The following ZNF839 variants were observed in gnomAD, a reference collection of about 807,000 sequenced individuals.
The protein encoded by ZNF839 is renal carcinoma antigen NY-REN-50.
Under a neutral mutation model 56.4 loss-of-function variants are expected in ZNF839, and 38 were observed. That is an observed-to-expected ratio of 0.67 (90% CI 0.52 to 0.88). The LOEUF is 0.88. Among genes scored for constraint, ZNF839 ranks in the 40% least tolerant of loss-of-function variants. ZNF839 has a pLI of 0.00. For synonymous variants in ZNF839, 486 were observed against 493.5 expected (o/e 0.98, Z 0.20); for missense variants, 1,091 against 1,177.6 (o/e 0.93, Z 1.08).
intron 2 of ZNF839, among the ~76,000 whole-genome samples, chr14:102,327,098 C>T (rs2073456453): frequency 6.6e-6 from 1 of 151,888 alleles, no homozygotes; most frequent in Non-Finnish European, 1.5e-5. Context: ...GCAGGCGCCT[C>T]ATATGGCCAC....
At chr14:102,334,447 A>G in intron 3 of ZNF839, 107 bp from the exon 4 acceptor site, 1 of 756,668 alleles carries the variant, frequency 1.3e-6, no homozygotes, top group Non-Finnish European at 2.3e-6. Context: ...GGTCACTGAA[A>G]TTTTTGGAGA....
rs532859328 is a variant in ZNF839 at position 102,341,953 on chromosome 14, T to C, written c.2558T>C (p.Val853Ala). 5.2e-5 allele frequency: 84 copies of C among 1,613,870 alleles called. 1 individual carries two copies. The highest frequency in any genetic ancestry group is 6.2e-5 in the Non-Finnish European group (73 of 1,179,888). ...DLNRFPCGME[V>A]HSGQRELESV... is the part of the protein sequence containing the mutation. Reference sequence around the variant, plus strand: ...AACCGGTTCCCCTGTGGGATGGAGGTGCACTCTGGCCAGAGAGAACTGGAG... The same window carrying C: ...AACCGGTTCCCCTGTGGGATGGAGGCGCACTCTGGCCAGAGAGAACTGGAG... Residue 853 changes from valine (V) to alanine (A), a missense_variant, in exon 8 of 8, where the codon GTG (valine) becomes GCG (alanine). By Grantham distance (64) the Val-to-Ala change is moderately conservative. Around this residue, in one of 3 missense-constraint regions of ZNF839, gnomAD observed 431 missense variants for 468.0 expected, o/e 0.92. Transcript: ENST00000442396.
intron 5 of ZNF839, 33 bp downstream of exon 5, chr14:102,335,871 T>C (rs748522690): frequency 3.1e-6 from 5 of 1,604,748 alleles, no homozygotes; most frequent in Non-Finnish European, 4.2e-6. Context: ...AGAGTTTTGC[T>C]CATAGAGTTA....
Position 102,319,822 on chromosome 14 carries a change from C to T in ZNF839, c.57C>T (p.Gly19=). The change falls in exon 1 of 8, where the codon GGC becomes GGT. Residue 19 remains glycine (G), a synonymous_variant. Coordinates refer to ENST00000442396, the MANE Select transcript of ZNF839 (RefSeq NM_018335.6). The surrounding 1 kb of genome is among the most constrained non-coding windows in gnomAD (Gnocchi z 4.5). ...GGGSEDGGGG[G]GPAPPGQSGS... is the part of the protein sequence containing the mutation. ...GCAGCGAGGATGGCGGCGGCGGCGG[C>T]GGCCCGGCTCCTCCGGGCCAGAGCG... 1.6e-6 allele frequency: 2 copies of T among 1,229,590 alleles called. No individual in the cohort carries two copies. Among genetic ancestry groups the T allele is most frequent in the Non-Finnish European group, 2.0e-6 (2 of 986,950 alleles). 76.2% of individuals were successfully genotyped at this position (1,229,590 alleles called of 1,614,324 possible).
At chr14:102,319,606 C>T (rs1000513947), upstream of ZNF839, 13 of 1,066,248 alleles carry the variant, frequency 1.2e-5, no homozygotes, top group African/African-American at 2.1e-4. This position sits in a 1 kb window ranked among gnomAD's most constrained non-coding sequence, Gnocchi z 4.5. Context: ...CGGCGGTTGT[C>T]GGCTGGGGCG....
chr14:102,341,793 C>T lies in ZNF839; in HGVS notation c.2398C>T (p.Leu800Phe). The T allele has an allele frequency of 6.2e-7, 1 of 1,614,040 alleles. No homozygotes were observed. The highest frequency in any genetic ancestry group is 8.5e-7 in the Non-Finnish European group (1 of 1,179,888). Reference protein sequence around the residue: ...VLPTEVAAPPLEKILSVDSVA... With the variant: ...VLPTEVAAPPFEKILSVDSVA... Reference sequence around the variant, plus strand: ...GCCTACAGAGGTGGCAGCCCCTCCGCTTGAGAAAATTTTGTCTGTGGATAG... The same window carrying T: ...GCCTACAGAGGTGGCAGCCCCTCCGTTTGAGAAAATTTTGTCTGTGGATAG... Residue 800 changes from leucine (L) to phenylalanine (F), a missense_variant, in exon 8 of 8, where the codon CTT becomes TTT. This residue lies in a region of ZNF839 where 431 missense variants were observed against 468.0 expected (regional missense o/e 0.92). Coordinates refer to ENST00000442396, the MANE Select transcript of ZNF839 (RefSeq NM_018335.6).
At chr14:102,330,446 C>T (rs1256361308) in intron 2 of ZNF839, among the ~76,000 whole-genome samples, 1 of 151,298 alleles carries the variant, frequency 6.6e-6, no homozygotes, top group African/African-American at 2.4e-5. Context: ...GTTGGCCAGG[C>T]TAGTCTCAAA....
intron 5 of ZNF839, among the ~76,000 whole-genome samples, chr14:102,337,983 AG>A (rs1311465844): frequency 6.6e-6 from 1 of 152,202 alleles, no homozygotes; most frequent in Non-Finnish European, 1.5e-5. Flanking sequence ...GAGATGGACA[AG>A]GGAGACTCAG....
Position 102,341,590 on chromosome 14 carries a change from C to T in ZNF839, c.2195C>T (p.Ser732Phe). 6.2e-7 allele frequency: 1 copy of T among 1,613,768 alleles called. No homozygotes were observed. Among genetic ancestry groups the T allele is most frequent in the South Asian group, 1.1e-5 (1 of 91,060 alleles). Residue 732 changes from serine to phenylalanine, a missense_variant, in exon 8 of 8, where the codon TCT becomes TTT. Ser to Phe is a radical substitution (Grantham distance 155, BLOSUM62 -2). Around this residue, in one of 3 missense-constraint regions of ZNF839, gnomAD observed 431 missense variants for 468.0 expected, o/e 0.92. Transcript: ENST00000442396. ...AFPGENALEHSSDQDTWDSLR... is the reference protein window; with the variant it reads ...AFPGENALEHFSDQDTWDSLR... ...CCTGGAGAGAATGCTTTGGAACACTCTTCAGACCAGGACACCTGGGACAGC... is the reference window on the plus strand; with the variant it reads ...CCTGGAGAGAATGCTTTGGAACACTTTTCAGACCAGGACACCTGGGACAGC...
intron 5 of ZNF839, among the ~76,000 whole-genome samples, chr14:102,336,207 C>T (rs1408754262): frequency 6.7e-6 from 1 of 150,222 alleles, no homozygotes; most frequent in African/African-American, 2.4e-5. Flanking sequence ...AAAAAAAAAA[C>T]TCCATGTATG....
intron 5 of ZNF839, among the ~76,000 whole-genome samples, chr14:102,336,144 A>G (rs1273895923): frequency 6.6e-6 from 1 of 151,270 alleles, no homozygotes; most frequent in Non-Finnish European, 1.5e-5. Flanking sequence ...GCACCATTGC[A>G]CTCCAGCCTG....
intron 2 of ZNF839, chr14:102,331,406 G>A (rs544807301): frequency 4.1e-5 from 20 of 487,716 alleles, no homozygotes; most frequent in African/African-American, 1.2e-4. Context: ...GCGCCACCGC[G>A]CCTGGCTAAT....
At position 102,322,679 on chromosome 14, in the gene ZNF839, C is replaced by G. The variant is rs139400963; in HGVS notation, c.288+2626C>G. Among the ~76,000 whole-genome samples the G allele has an allele frequency of 2.6e-4, 40 of 152,286 alleles. No individual in the cohort carries two copies. The East Asian group carries it at 6.6e-3, about 25-fold the overall frequency. On this transcript the variant is annotated intron_variant, in intron 1 of 7. Transcript: ENST00000442396. ...TCCCAGGCTCAAATGATCCTCACAC[C>G]TCAGCCTCCCGAGTAGCTGGGGCTA... is the stretch of plus-strand genomic sequence containing the variant.
upstream of ZNF839, among the ~76,000 whole-genome samples, chr14:102,318,796 G>A (rs1176046507): frequency 6.6e-6 from 1 of 152,148 alleles, no homozygotes; most frequent in Non-Finnish European, 1.5e-5. Context: ...TTACTTTACC[G>A]GCTTCGGCGC....
rs552218156 is a variant in ZNF839, at chr14:102,342,221, G to T, written c.*42G>T. ...AGCTGTGGAGTCGGTCGTCACCGTG[G>T]AGCCAGAGCCCTCACAGTGAAGTGG... On this transcript the variant is annotated 3_prime_UTR_variant, in exon 8 of 8. Transcript: ENST00000442396. The T allele has an allele frequency of 7.6e-5, 53 of 698,994 alleles. No homozygotes were observed. The African/African-American group carries it at 9.9e-4, about 13-fold the overall frequency. 43.3% of individuals were successfully genotyped at this position (698,994 alleles called of 1,614,324 possible). A position where few individuals can be genotyped will look rare whatever the true frequency, so the allele number is the denominator to read the frequency against.
chr14:102,324,409 G>A (rs554408974), intron 1 of ZNF839, among the ~76,000 whole-genome samples: 9 of 152,296 alleles, frequency 5.9e-5, no homozygotes, highest in African/African-American at 2.2e-4. Flanking sequence ...CAGGTGTGGT[G>A]GCAAGCGCCT....
At position 102,326,999 on chromosome 14, in the gene ZNF839, C is replaced by T. The variant is rs1423125700; in HGVS notation, c.1191+112C>T. The T allele has an allele frequency of 8.2e-6, 10 of 1,218,492 alleles. No homozygotes were observed. Among genetic ancestry groups the T allele is most frequent in the African/African-American group, 1.5e-5 (1 of 65,484 alleles). 75.5% of individuals were successfully genotyped at this position (1,218,492 alleles called of 1,614,324 possible). A position where few individuals can be genotyped will look rare whatever the true frequency, so the allele number is the denominator to read the frequency against. On this transcript the variant is annotated intron_variant, in intron 2 of 7. Coordinates refer to ENST00000442396, the MANE Select transcript of ZNF839 (RefSeq NM_018335.6). This position sits in a 1 kb window ranked among gnomAD's most constrained non-coding sequence, Gnocchi z 4.3. Reference sequence around the variant, plus strand: ...AGAAAAGAGGGTTGGCTCACGGTTCCATAGACTGTACAGGAAGCATGGTGC... The same window carrying T: ...AGAAAAGAGGGTTGGCTCACGGTTCTATAGACTGTACAGGAAGCATGGTGC...
intron 1 of ZNF839, among the ~76,000 whole-genome samples, chr14:102,324,315 C>T (rs1022921363): frequency 8.5e-5 from 13 of 152,080 alleles, no homozygotes; most frequent in Admixed American, 8.5e-4. Context: ...GAGGCTGAGG[C>T]GGACAGATCA....
intron 5 of ZNF839, among the ~76,000 whole-genome samples, chr14:102,336,439 C>T (rs574178370): frequency 1.3e-5 from 2 of 152,006 alleles, no homozygotes; most frequent in Admixed American, 1.3e-4. Context: ...GGATTAGAGG[C>T]GCACACCACC....
Sources: allele counts gnomAD v4.1 joint callset (sites outside exome capture counted in the v4.1 genomes callset), GRCh38; gene constraint gnomAD v4.1.1; regional missense constraint gnomAD v4.1.1; non-coding constraint Gnocchi (gnomAD v3.1); transcripts MANE v1.5; gene names NCBI Gene and HGNC (gene_info 2026-07-23, HGNC 2026-07-21).